Variants in MAPK4 observed in about 807,000 individuals in gnomAD.
MAPK4 encodes Erk3-related.
Under a neutral mutation model 47.7 loss-of-function variants are expected in MAPK4, and 22 were observed. That is an observed-to-expected ratio of 0.46 (90% CI 0.33 to 0.66). MAPK4 has a LOEUF of 0.66. Among genes scored for constraint, MAPK4 ranks in the 30% least tolerant of loss-of-function variants. The pLI is 0.02. For synonymous variants in MAPK4, 390 were observed against 365.7 expected (o/e 1.07, Z -0.76); for missense variants, 736 against 831.7 (o/e 0.88, Z 1.42).
intron 1 of MAPK4, among the ~76,000 whole-genome samples, chr18:50,640,124 A>G (rs2042925771): frequency 6.6e-6 from 1 of 152,370 alleles, no homozygotes; most frequent in East Asian, 1.9e-4. Flanking sequence ...TGATCTTTAT[A>G]TAGACAGACA....
chr18:50,600,094 A>G (rs1047261763), intron 1 of MAPK4, among the ~76,000 whole-genome samples: 4 of 152,188 alleles, frequency 2.6e-5, no homozygotes, highest in African/African-American at 9.7e-5. Context: ...TGTATTTGAT[A>G]TAGTTTGTGT....
In MAPK4 at chr18:50,710,834, A is replaced by G. The variant is rs190863374; in HGVS notation, c.547-4245A>G. ...AAATAAATAAATAAATAAATTCATC[A>G]TACCCCTAAGGGATTAGTAGGCACA... is the stretch of plus-strand genomic sequence containing the variant. On this transcript the variant is annotated intron_variant, in intron 2 of 5. Transcript: ENST00000400384. 1.2e-4 allele frequency among the ~76,000 whole-genome samples: 18 copies of G among 152,144 alleles called. No homozygotes were observed. In the East Asian group the frequency reaches 3.5e-3, roughly 29 times the overall value.
rs762992386 is a variant in MAPK4, at chr18:50,664,089, G to A, written c.131G>A (p.Arg44Gln). ...TCGGCCGTGGACAGCCGGGCCTGCCGGAAGGTCGCTGTGAAGAAGATTGCC... is the reference window on the plus strand; with the variant it reads ...TCGGCCGTGGACAGCCGGGCCTGCCAGAAGGTCGCTGTGAAGAAGATTGCC... ...VLSAVDSRAC[R>Q]KVAVKKIALS... The change falls in exon 2 of 6, where the codon CGG becomes CAG. Residue 44 changes from arginine to glutamine, a missense_variant. By Grantham distance (43) the Arg-to-Gln change is conservative. Around this residue, in one of 3 missense-constraint regions of MAPK4, gnomAD observed 327 missense variants for 395.4 expected, o/e 0.83. Coordinates refer to ENST00000400384, the MANE Select transcript of MAPK4 (RefSeq NM_002747.4). The surrounding 1 kb of genome is among the most constrained non-coding windows in gnomAD (Gnocchi z 6.0). The A allele has an allele frequency of 1.6e-5, 26 of 1,613,854 alleles. No homozygotes were observed. The highest frequency in any genetic ancestry group is 7.7e-5 in the South Asian group (7 of 91,078).
chr18:50,721,115 G>C (rs1323204607), intron 3 of MAPK4, among the ~76,000 whole-genome samples: 3 of 152,214 alleles, frequency 2.0e-5, no homozygotes, highest in Non-Finnish European at 4.4e-5. Flanking sequence ...AGAACAGCCT[G>C]GAGGTCAGAG....
chr18:50,560,771 C>G (rs1323249184), intron 1 of MAPK4: 3 of 152,660 alleles, frequency 2.0e-5, no homozygotes, highest in African/African-American at 7.2e-5. Context: ...TAGGTAGCCC[C>G]TGGGAGAGGG....
At chr18:50,682,174 T>G (rs1486757225) in intron 2 of MAPK4, among the ~76,000 whole-genome samples, 1 of 152,178 alleles carries the variant, frequency 6.6e-6, no homozygotes, top group Non-Finnish European at 1.5e-5. Flanking sequence ...ACCTTGTGAA[T>G]AAACTAAAAC....
chr18:50,608,621 G>A (rs1036649567), intron 1 of MAPK4, among the ~76,000 whole-genome samples: 3 of 152,202 alleles, frequency 2.0e-5, no homozygotes, highest in East Asian at 1.9e-4. Context: ...TTTTTATCAA[G>A]CACTTGCTTG....
chr18:50,618,976 T>C (rs1005099180), intron 1 of MAPK4, among the ~76,000 whole-genome samples: 7 of 152,134 alleles, frequency 4.6e-5, no homozygotes, highest in Admixed American at 2.6e-4. Context: ...TTCTACGACC[T>C]AGATTGGTTA....
chr18:50,568,125 G>C (rs1295769672), intron 1 of MAPK4, among the ~76,000 whole-genome samples: 1 of 151,698 alleles, frequency 6.6e-6, no homozygotes, highest in Non-Finnish European at 1.5e-5. Flanking sequence ...GAACCCAGGA[G>C]GTGGAGCTTG....
intron 1 of MAPK4, among the ~76,000 whole-genome samples, chr18:50,608,441 C>T (rs575328493): frequency 1.2e-4 from 19 of 152,198 alleles, no homozygotes; most frequent in Non-Finnish European, 2.8e-4. Flanking sequence ...CTGAGAGTGT[C>T]ATCCCTCAGT....
intron 4 of MAPK4, 132 bp from the exon 5 acceptor site, chr18:50,725,829 GA>G: frequency 1.3e-6 from 1 of 771,012 alleles, no homozygotes; most frequent in Non-Finnish European, 2.2e-6. Context: ...TCTTGAGAAA[GA>G]AAATGGCTAA....
At position 50,719,834 on chromosome 18, in the gene MAPK4, G is replaced by A. The variant is rs185658918; in HGVS notation, c.692-2104G>A. Among the ~76,000 whole-genome samples the A allele has an allele frequency of 6.2e-4, 95 of 152,334 alleles. 1 individual carries two copies. The highest frequency in any genetic ancestry group is 3.4e-3 in the Middle Eastern group (1 of 294). On this transcript the variant is annotated intron_variant, in intron 3 of 5. Transcript: ENST00000400384. ...GCTCACTGTCTGTGGTCACGAGATG[G>A]TCGCAATCGCTTTCAGGTTCTCATG... is the stretch of plus-strand genomic sequence containing the variant.
At chr18:50,727,978 CA>C (rs1413694565) in intron 5 of MAPK4, among the ~76,000 whole-genome samples, 10 of 152,246 alleles carry the variant, frequency 6.6e-5, no homozygotes, top group African/African-American at 2.4e-4. Context: ...CAAGGCCACT[CA>C]ATCAAGGAGG....
At position 50,663,921 on chromosome 18, in the gene MAPK4, C is replaced by G. The variant is rs1300566570; in HGVS notation, c.-38C>G. ...GAGACTTGGCCTTTCCTGACTGCCC[C>G]TGTGTTACCTGGGCAGCTCCAGATC... On this transcript the variant is annotated 5_prime_UTR_variant, in exon 2 of 6. Transcript: ENST00000400384. 1 of 1,564,896 alleles carries G rather than the reference C, an allele frequency of 6.4e-7. No homozygotes were observed. The highest frequency in any genetic ancestry group is 1.4e-5 in the African/African-American group (1 of 73,448).
At chr18:50,695,210 G>T (rs1292214010) in intron 2 of MAPK4, among the ~76,000 whole-genome samples, 1 of 151,956 alleles carries the variant, frequency 6.6e-6, no homozygotes, top group East Asian at 1.9e-4. Context: ...GCCGGGTATG[G>T]TGGCACATGA....
chr18:50,625,878 G>A (rs968955201), intron 1 of MAPK4, among the ~76,000 whole-genome samples: 7 of 143,636 alleles, frequency 4.9e-5, no homozygotes, highest in African/African-American at 1.6e-4. Flanking sequence ...TAGGGTGTGT[G>A]TATGCACACA....
chr18:50,617,969 T>A (rs2042699035), intron 1 of MAPK4, among the ~76,000 whole-genome samples: 1 of 152,256 alleles, frequency 6.6e-6, no homozygotes, highest in Admixed American at 6.5e-5. Flanking sequence ...AACTCACTGC[T>A]TTATTAGGAA....
chr18:50,593,965 G>A (rs1169295882), intron 1 of MAPK4, among the ~76,000 whole-genome samples: 3 of 152,162 alleles, frequency 2.0e-5, no homozygotes, highest in African/African-American at 7.2e-5. Context: ...GGCTCAGTCT[G>A]AGTCCATTCA....
chr18:50,653,123 AG>A (rs2043068199), intron 1 of MAPK4, among the ~76,000 whole-genome samples: 1 of 152,046 alleles, frequency 6.6e-6, no homozygotes, highest in Admixed American at 6.6e-5. Flanking sequence ...CACGAGTTTG[AG>A]GCTGCACTGA....
Sources: allele counts gnomAD v4.1 joint callset (sites outside exome capture counted in the v4.1 genomes callset), GRCh38; gene constraint gnomAD v4.1.1; regional missense constraint gnomAD v4.1.1; non-coding constraint Gnocchi (gnomAD v3.1); transcripts MANE v1.5; gene names NCBI Gene and HGNC (gene_info 2026-07-23, HGNC 2026-07-21).